SNRK: variants seen among roughly 807,000 people sequenced by gnomAD.
The protein encoded by SNRK is SNF related kinase.
A neutral mutation model predicts 48.2 loss-of-function variants in SNRK; 3 were observed. That is an observed-to-expected ratio of 0.06 (90% confidence interval 0.03 to 0.16). The LOEUF is 0.16. Ranked by LOEUF, SNRK falls within the 10% of genes least tolerant of loss-of-function variation. The pLI is 1.00. For synonymous variants in SNRK, 376 were observed against 366.1 expected (o/e 1.03, Z -0.31); for missense variants, 627 against 976.0 (o/e 0.64, Z 4.76).
chr3:43,336,627 C>G (rs548959197), intron 4 of SNRK, among the ~76,000 whole-genome samples: 2 of 152,116 alleles, frequency 1.3e-5, no homozygotes, highest in Non-Finnish European at 2.9e-5. Flanking sequence ...CTACCACACC[C>G]TGCCAAGGTT....
chr3:43,297,765 TATC>T (rs1282963998), intron 1 of SNRK, among the ~76,000 whole-genome samples: 2 of 152,198 alleles, frequency 1.3e-5, no homozygotes. Flanking sequence ...ATTATATTAA[TATC>T]ATTTTAAAAG....
intron 3 of SNRK, among the ~76,000 whole-genome samples, chr3:43,316,891 C>T (rs971195756): frequency 2.6e-5 from 4 of 152,052 alleles, no homozygotes; most frequent in African/African-American, 9.7e-5. Flanking sequence ...GATTAGTGCC[C>T]CTGGTCCTGT....
intron 3 of SNRK, among the ~76,000 whole-genome samples, chr3:43,314,427 ATTAAC>A (rs1437372378): frequency 1.3e-5 from 2 of 152,194 alleles, no homozygotes; most frequent in African/African-American, 4.8e-5. Flanking sequence ...CTTTATAGCT[ATTAAC>A]TTACTGTTTC....
intron 1 of SNRK, among the ~76,000 whole-genome samples, chr3:43,298,274 A>T (rs992116302): frequency 6.6e-6 from 1 of 152,218 alleles, no homozygotes; most frequent in East Asian, 1.9e-4. Context: ...CTTTAGAACC[A>T]GTACTTATTA....
chr3:43,329,703 T>C (rs147971939), intron 3 of SNRK, among the ~76,000 whole-genome samples: 195 of 152,342 alleles, frequency 1.3e-3, no homozygotes, highest in African/African-American at 4.6e-3. Flanking sequence ...TATATTTATG[T>C]TGCTTTTCTT....
At chr3:43,293,072 G>T (rs193289697) in intron 1 of SNRK, among the ~76,000 whole-genome samples, 2 of 152,246 alleles carry the variant, frequency 1.3e-5, no homozygotes, top group Middle Eastern at 6.8e-3. Context: ...CTGTTATTCA[G>T]ACTGAAGCAG....
At chr3:43,317,324 G>T (rs1036214833) in intron 3 of SNRK, among the ~76,000 whole-genome samples, 2 of 152,194 alleles carry the variant, frequency 1.3e-5, no homozygotes, top group African/African-American at 4.8e-5. Context: ...AGTTCCAGAT[G>T]AGAGGAGGAT....
rs373551162 is a variant in SNRK, at chr3:43,348,311, G to C, written c.2052G>C (p.Thr684=). The C allele has an allele frequency of 5.6e-6, 9 of 1,613,496 alleles. No individual in the cohort carries two copies. The highest frequency in any genetic ancestry group is 1.3e-5 in the African/African-American group (1 of 75,042). ...FSSVKVQEKS[T]WKMCISSTGN... The stretch of plus-strand genomic sequence containing the variant: ...GTGTGAAAGTCCAAGAGAAATCTAC[G>C]TGGAAAATGTGCATTAGCTCCACAG... Residue 684 remains threonine (T), a synonymous_variant, in exon 7 of 7, where the codon ACG becomes ACC. Transcript: ENST00000296088.
chr3:43,319,947 A>G (rs2091041419), intron 3 of SNRK, among the ~76,000 whole-genome samples: 2 of 152,198 alleles, frequency 1.3e-5, no homozygotes, highest in Non-Finnish European at 2.9e-5. Context: ...TTTATTGAAC[A>G]CTATGAAGCC....
intron 3 of SNRK, among the ~76,000 whole-genome samples, chr3:43,318,108 C>G (rs766495287): frequency 1.3e-5 from 2 of 152,156 alleles, no homozygotes; most frequent in Non-Finnish European, 1.5e-5. Context: ...TTTCCTGCCT[C>G]TTTCTCAATG....
intron 5 of SNRK, among the ~76,000 whole-genome samples, chr3:43,342,405 G>T (rs17075581): frequency 0.027 from 4,070 of 152,196 alleles, 185 homozygotes; most frequent in African/African-American, 0.091. Flanking sequence ...TTTAGTACTT[G>T]GCTGAAGAAA....
At chr3:43,299,674 C>G (rs980087902) in intron 1 of SNRK, 80 bp from the exon 2 acceptor site, 1 of 152,606 alleles carries the variant, frequency 6.6e-6, no homozygotes, top group African/African-American at 2.4e-5. Flanking sequence ...TAGATCCAGC[C>G]TTAGAGTATA....
At chr3:43,307,281 A>G (rs1335647459) in intron 3 of SNRK, among the ~76,000 whole-genome samples, 6 of 152,222 alleles carry the variant, frequency 3.9e-5, no homozygotes, top group Non-Finnish European at 8.8e-5. Context: ...TCCTTGATAC[A>G]TATTGCCTTA....
Position 43,343,405 on chromosome 3 carries a change from A to T in SNRK, c.1006A>T (p.Ile336Phe), listed in dbSNP as rs1227697345. The change falls in exon 6 of 7, where the codon ATC (isoleucine) becomes TTC (phenylalanine). Residue 336 changes from isoleucine to phenylalanine, a missense_variant. Transcript: ENST00000296088. ...CACATACTTCCTGCTGGCTGAAAGG[A>T]TCCTGAGAGAAAAGCAAGAGAAAGA... ...TATYFLLAER[I>F]LREKQEKEIQ... 1 of 1,614,080 alleles carries T rather than the reference A, an allele frequency of 6.2e-7. No homozygotes were observed. Among genetic ancestry groups the T allele is most frequent in the African/African-American group, 1.3e-5 (1 of 74,928 alleles).
chr3:43,342,755 C>T (rs975314945), intron 5 of SNRK, among the ~76,000 whole-genome samples: 3 of 152,158 alleles, frequency 2.0e-5, no homozygotes, highest in Non-Finnish European at 2.9e-5. Context: ...ACTAGGTACT[C>T]GGTGAACATT....
chr3:43,326,840 A>C (rs1286054640), intron 3 of SNRK, among the ~76,000 whole-genome samples: 1 of 152,208 alleles, frequency 6.6e-6, no homozygotes, highest in East Asian at 1.9e-4. Flanking sequence ...GATCTGGGAA[A>C]GGAGTGTTTT....
chr3:43,300,244 G>A (rs933289724), intron 2 of SNRK, among the ~76,000 whole-genome samples: 1 of 151,942 alleles, frequency 6.6e-6, no homozygotes. Flanking sequence ...TCATTTCACT[G>A]TGCCCTCTTG....
rs540883435 is a variant in SNRK, at chr3:43,297,596, C to G, written c.-168-2158C>G. The stretch of plus-strand genomic sequence containing the variant: ...ATTTTTTTTTCAAAATTCCTCCCCC[C>G]CTTTTTTACTAGTCTGTATGTTCTA... On this transcript the variant is annotated intron_variant, in intron 1 of 6. Coordinates refer to ENST00000296088, the MANE Select transcript of SNRK (RefSeq NM_017719.5). 6.6e-5 allele frequency among the ~76,000 whole-genome samples: 10 copies of G among 151,990 alleles called. No homozygotes were observed. In the East Asian group the frequency reaches 9.7e-4, roughly 15 times the overall value.
At chr3:43,292,529 C>A (rs1329452481) in intron 1 of SNRK, among the ~76,000 whole-genome samples, 2 of 152,184 alleles carry the variant, frequency 1.3e-5, no homozygotes, top group Non-Finnish European at 2.9e-5. Flanking sequence ...AAATGATGAG[C>A]CAGTAGGTAT....
Sources: gnomAD v4.1 joint callset for allele counts (sites outside exome capture counted in the v4.1 genomes callset) on GRCh38, gnomAD v4.1.1 for gene constraint, MANE v1.5 for transcripts, NCBI Gene and HGNC (gene_info 2026-07-23, HGNC 2026-07-21) for gene names.